Variants in DUS4L observed in about 807,000 individuals in gnomAD.
DUS4L encodes dihydrouridine synthase 4 like, also known as tRNA-dihydrouridine(20a/20b) synthase [NAD(P)+]-like.
In DUS4L, 31 loss-of-function variants were observed where a neutral mutation model predicts 33.8. The ratio of observed to expected loss-of-function variants is 0.92; its 90% confidence interval spans 0.69 to 1.24. The LOEUF (loss-of-function observed/expected upper bound fraction) is 1.24, where lower values mean the gene tolerates loss of function less well. DUS4L is among the 50% of genes most tolerant of loss of function. DUS4L has a pLI of 0.00. For missense variants in DUS4L, 368 were observed against 388.6 expected (o/e 0.95, Z 0.45); for synonymous variants, 103 against 120.3 (o/e 0.86, Z 0.94).
chr7:107,572,679 A>G (rs904039512), intron 4 of DUS4L, among the ~76,000 whole-genome samples: 2 of 151,968 alleles, frequency 1.3e-5, no homozygotes, highest in South Asian at 2.1e-4. Context: ...GTGAAACCCT[A>G]TCTCTACTAA....
Position 107,567,119 on chromosome 7 carries a change from G to C in DUS4L, c.49G>C (p.Asp17His), listed in dbSNP as rs753726431. The change falls in exon 3 of 8, where the codon GAT becomes CAT. Residue 17 changes from aspartate to histidine, a missense_variant. Transcript: ENST00000265720. ...QTTICQERKKDPIEMFHSGQL... is the reference protein window; with the variant it reads ...QTTICQERKKHPIEMFHSGQL... ...GACAATATGTCAGGAAAGAAAAAAA[G>C]ATCCCATAGAAATGTTTCATTCTGG... 29 of 1,613,580 alleles carry C rather than the reference G, an allele frequency of 1.8e-5. No homozygotes were observed. The Middle Eastern group carries it at 6.6e-4, about 37-fold the overall frequency.
chr7:107,571,122 A>G, intron 3 of DUS4L, 23 bp from the exon 4 acceptor site: 1 of 1,613,030 alleles, frequency 6.2e-7, no homozygotes, highest in Non-Finnish European at 8.5e-7. Context: ...TAAATGCATA[A>G]TTAAGGTTTT....
chr7:107,573,238 AAC>A (rs1222907119), intron 4 of DUS4L, among the ~76,000 whole-genome samples: 2 of 152,254 alleles, frequency 1.3e-5, no homozygotes, highest in Non-Finnish European at 2.9e-5. Flanking sequence ...GAGCATGTGA[AAC>A]AGTCTAAAAA....
rs978379109 is a variant in DUS4L at position 107,577,164 on chromosome 7, G to A, written c.707-149G>A. The A allele has an allele frequency of 2.7e-6, 3 of 1,094,572 alleles. No individual in the cohort carries two copies. The African/African-American group carries it at 4.8e-5, about 17-fold the overall frequency. The allele number at this position is 1,094,572 out of a possible 1,614,324, so 67.8% of individuals were successfully genotyped here. ...AAAAGGTACCAAAATTAATTCTTTT[G>A]TAATCGGATTAAACATATTAATGCA... On this transcript the variant is annotated intron_variant, in intron 7 of 7. Coordinates refer to ENST00000265720, the MANE Select transcript of DUS4L (RefSeq NM_181581.3).
intron 3 of DUS4L, chr7:107,570,375 C>T (rs186820296): frequency 3.3e-5 from 5 of 152,190 alleles, no homozygotes; most frequent in Admixed American, 3.3e-4. Context: ...TCCAGTTCCC[C>T]ATAGTGAGGG....
chr7:107,575,083 C>T (rs748350016), intron 5 of DUS4L, 105 bp from the exon 6 acceptor site: 3 of 1,459,320 alleles, frequency 2.1e-6, no homozygotes, highest in Non-Finnish European at 2.8e-6. Context: ...GCTTCTCTTC[C>T]AGATCACTAG....
Position 107,564,019 on chromosome 7 carries a change from T to G in DUS4L, c.-301T>G. ...CCAGGCCCACCTGGCGAACTGACTC[T>G]CAGCCCGCGCCTGGGCTAAGCCTGG... On this transcript the variant is annotated 5_prime_UTR_variant, in exon 1 of 8. Coordinates refer to ENST00000265720, the MANE Select transcript of DUS4L (RefSeq NM_181581.3). 1 of 1,399,456 alleles carries G rather than the reference T, an allele frequency of 7.1e-7. No homozygotes were observed. 86.7% of individuals were successfully genotyped at this position (1,399,456 alleles called of 1,614,324 possible). A position where few individuals can be genotyped will look rare whatever the true frequency, so the allele number is the denominator to read the frequency against.
intron 5 of DUS4L, 166 bp downstream of exon 5, chr7:107,573,987 A>G: frequency 1.9e-6 from 2 of 1,050,606 alleles, no homozygotes; most frequent in Non-Finnish European, 2.5e-6. Flanking sequence ...TAATTTAGAA[A>G]CATAAATTCA....
chr7:107,573,502 G>A (rs1245184258), intron 4 of DUS4L, among the ~76,000 whole-genome samples: 3 of 152,096 alleles, frequency 2.0e-5, no homozygotes, highest in Non-Finnish European at 2.9e-5. Flanking sequence ...ATCAAATTTT[G>A]TACTGTTTGA....
intron 3 of DUS4L, among the ~76,000 whole-genome samples, chr7:107,569,517 A>G (rs1308638718): frequency 6.6e-6 from 1 of 152,182 alleles, no homozygotes; most frequent in Admixed American, 6.5e-5. Flanking sequence ...CTATACCTCA[A>G]CTTGGGAAGA....
At chr7:107,576,315 G>A (rs756546888) in intron 6 of DUS4L, 51 bp from the exon 7 acceptor site, 63 of 1,511,354 alleles carry the variant, frequency 4.2e-5, no homozygotes, top group Non-Finnish European at 5.7e-5. Context: ...GTTAATGTTA[G>A]CATTAAGATT....
chr7:107,564,058 A>G lies in DUS4L; in HGVS notation c.-262A>G. 1 of 1,412,848 alleles carries G rather than the reference A, an allele frequency of 7.1e-7. No homozygotes were observed. The highest frequency in any genetic ancestry group is 9.4e-7 in the Non-Finnish European group (1 of 1,061,998). 87.5% of individuals were successfully genotyped at this position (1,412,848 alleles called of 1,614,324 possible). ...GGCTAAGCCTGGCTAGGAGCCGCGC[A>G]GGTACTCGAGCAGTGGGCGCCCAGG... On this transcript the variant is annotated 5_prime_UTR_variant, in exon 1 of 8. Transcript: ENST00000265720.
intron 3 of DUS4L, among the ~76,000 whole-genome samples, chr7:107,569,621 G>A (rs575278600): frequency 1.4e-5 from 2 of 146,382 alleles, no homozygotes; most frequent in South Asian, 2.3e-4. Flanking sequence ...CATCAGTATT[G>A]TGTAGTTTTC....
chr7:107,564,110 C>T lies in DUS4L; in HGVS notation c.-210C>T. 1 of 1,158,872 alleles carries T rather than the reference C, an allele frequency of 8.6e-7. No individual in the cohort carries two copies. Among genetic ancestry groups the T allele is most frequent in the Non-Finnish European group, 1.2e-6 (1 of 815,344 alleles). 71.8% of individuals were successfully genotyped at this position (1,158,872 alleles called of 1,614,324 possible). A position where few individuals can be genotyped will look rare whatever the true frequency, so the allele number is the denominator to read the frequency against. The stretch of plus-strand genomic sequence containing the variant: ...TCCGAGTGCTCTGCGCCCAGCGCAC[C>T]GAGGGAGCCAAGGCCGTCGGGCCGG... On this transcript the variant is annotated 5_prime_UTR_variant, in exon 1 of 8. Coordinates refer to ENST00000265720, the MANE Select transcript of DUS4L (RefSeq NM_181581.3).
In DUS4L at chr7:107,564,026, G is replaced by A; in HGVS notation, c.-294G>A. Reference sequence around the variant, plus strand: ...CACCTGGCGAACTGACTCTCAGCCCGCGCCTGGGCTAAGCCTGGCTAGGAG... The same window carrying A: ...CACCTGGCGAACTGACTCTCAGCCCACGCCTGGGCTAAGCCTGGCTAGGAG... On this transcript the variant is annotated 5_prime_UTR_variant, in exon 1 of 8. Transcript: ENST00000265720. 7.8e-7 allele frequency: 1 copy of A among 1,280,070 alleles called. No homozygotes were observed. Among genetic ancestry groups the A allele is most frequent in the Non-Finnish European group, 1.0e-6 (1 of 974,118 alleles). The allele number at this position is 1,280,070 out of a possible 1,614,324, so 79.3% of individuals were successfully genotyped here. A position where few individuals can be genotyped will look rare whatever the true frequency, so the allele number is the denominator to read the frequency against.
Position 107,578,260 on chromosome 7 carries a change from G to T in DUS4L, c.*700G>T, listed in dbSNP as rs1805949014. ...TCCTAGAGAATAGTAACCAGGTTTT[G>T]TTTTTAACTTTAAAACCTAATTACT... is the stretch of plus-strand genomic sequence containing the variant. On this transcript the variant is annotated 3_prime_UTR_variant, in exon 8 of 8. Coordinates refer to ENST00000265720, the MANE Select transcript of DUS4L (RefSeq NM_181581.3). 1 of 152,050 alleles carries T rather than the reference G, an allele frequency of 6.6e-6. No individual in the cohort carries two copies. The highest frequency in any genetic ancestry group is 6.6e-5 in the Admixed American group (1 of 15,258). 9.4% of individuals were successfully genotyped at this position (152,050 alleles called of 1,614,324 possible).
chr7:107,570,941 T>C, intron 3 of DUS4L: 1 of 571,752 alleles, frequency 1.7e-6, no homozygotes, highest in Non-Finnish European at 2.8e-6. Context: ...TCTGGACATC[T>C]TTTCTTCACC....
Position 107,576,000 on chromosome 7 carries a change from A to T in DUS4L, c.480-366A>T, listed in dbSNP as rs186611902. On this transcript the variant is annotated intron_variant, in intron 6 of 7. Transcript: ENST00000265720. ...GAGCCACGGTGCCCAGCCTGAAAAC[A>T]TATTTCAAGATAAAGTATTATATTC... Among the ~76,000 whole-genome samples the T allele has an allele frequency of 1.6e-4, 24 of 152,276 alleles. No individual in the cohort carries two copies. In the East Asian group the frequency reaches 3.9e-3, roughly 24 times the overall value.
chr7:107,577,238 T>C (rs1312223479), intron 7 of DUS4L, 75 bp from the exon 8 acceptor site: 2 of 1,567,554 alleles, frequency 1.3e-6, no homozygotes, highest in Admixed American at 3.7e-5. Context: ...AAATATACTG[T>C]TTGCTTCATT....
Sources: gnomAD v4.1 joint callset for allele counts (sites outside exome capture counted in the v4.1 genomes callset) on GRCh38, gnomAD v4.1.1 for gene constraint, MANE v1.5 for transcripts, NCBI Gene and HGNC (gene_info 2026-07-23, HGNC 2026-07-21) for gene names.